BRD2: variants seen among roughly 807,000 people sequenced by gnomAD.
BRD2 encodes the protein bromodomain containing 2.
A neutral mutation model predicts 79.1 loss-of-function variants in BRD2; 15 were observed. The ratio of observed to expected loss-of-function variants is 0.19; its 90% confidence interval spans 0.13 to 0.29. BRD2 has a LOEUF of 0.29. Ranked by LOEUF, BRD2 falls within the 10% of genes least tolerant of loss-of-function variation. The pLI is 1.00. For synonymous variants in BRD2, 488 were observed against 358.6 expected (o/e 1.36, Z -4.08); for missense variants, 1,053 against 991.3 (o/e 1.06, Z -0.84).
chr6:32,969,307 C>A (rs945327205), intron 1 of BRD2: 2 of 715,766 alleles, frequency 2.8e-6, no homozygotes, highest in Admixed American at 2.0e-5. Flanking sequence ...CGGTGTGGCC[C>A]CCCCTATTCC....
At chr6:32,973,105 C>T (rs1163574924) in intron 2 of BRD2, 178 bp downstream of exon 2, 3 of 1,560,106 alleles carry the variant, frequency 1.9e-6, no homozygotes, top group East Asian at 2.4e-5. Flanking sequence ...GGCGGCTCGG[C>T]TACTGCTCGT....
chr6:32,980,826 C>G lies in BRD2; in HGVS notation c.*108C>G, dbSNP rs1029345963. 1.3e-5 allele frequency: 18 copies of G among 1,345,330 alleles called. No individual in the cohort carries two copies. The highest frequency in any genetic ancestry group is 4.6e-5 in the African/African-American group (3 of 65,622). 83.3% of individuals were successfully genotyped at this position (1,345,330 alleles called of 1,614,324 possible). A position where few individuals can be genotyped will look rare whatever the true frequency, so the allele number is the denominator to read the frequency against. On this transcript the variant is annotated 3_prime_UTR_variant, in exon 13 of 13. Coordinates refer to ENST00000374825, the MANE Select transcript of BRD2 (RefSeq NM_005104.4). ...CTGTGACACTTCTTCATCTCACCCC[C>G]CCCCGCCCCCCTCTAGGAGAGCTGG...
chr6:32,978,411 G>GACT, intron 10 of BRD2, 23 bp downstream of exon 10: 4 of 1,603,408 alleles, frequency 2.5e-6, no homozygotes, highest in Non-Finnish European at 3.4e-6. Flanking sequence ...AGGAAGCAGA[G>GACT]ACTAGTTTGG....
In BRD2 at chr6:32,971,634, C is replaced by T; in HGVS notation, c.-1265C>T. ...CTGCCTTACCGCCGAGAACCACCACCCGCCAGGCGTCTTGCGGCCACACCC... is the reference window on the plus strand; with the variant it reads ...CTGCCTTACCGCCGAGAACCACCACTCGCCAGGCGTCTTGCGGCCACACCC... On this transcript the variant is annotated 5_prime_UTR_variant, in exon 2 of 13. Coordinates refer to ENST00000374825, the MANE Select transcript of BRD2 (RefSeq NM_005104.4). 6.9e-6 allele frequency: 3 copies of T among 436,004 alleles called. No individual in the cohort carries two copies. The highest frequency in any genetic ancestry group is 7.1e-5 in the East Asian group (2 of 28,264). The allele number at this position is 436,004 out of a possible 1,614,324, so 27.0% of individuals were successfully genotyped here.
intron 1 of BRD2, chr6:32,970,280 C>T (rs890168623): frequency 6.6e-6 from 1 of 152,244 alleles, no homozygotes; most frequent in African/African-American, 2.4e-5. Context: ...CAAACGGGGC[C>T]GCTTGTACTT....
At chr6:32,975,558 G>A in intron 4 of BRD2, 37 bp downstream of exon 4, 1 of 1,604,856 alleles carries the variant, frequency 6.2e-7, no homozygotes, top group East Asian at 2.2e-5. Flanking sequence ...TAGGTGGGGA[G>A]AAACAGTAAC....
In BRD2 at chr6:32,980,965, C is replaced by G. The variant is rs766274925; in HGVS notation, c.*247C>G. ...ATCTCTTGGACACAGAGCCCCCATT[C>G]AAAATGGGGCAGGGCAAGGGTGGGA... On this transcript the variant is annotated 3_prime_UTR_variant, in exon 13 of 13. Transcript: ENST00000374825. The G allele has an allele frequency of 3.7e-6, 2 of 538,972 alleles. No homozygotes were observed. Among genetic ancestry groups the G allele is most frequent in the Admixed American group, 3.1e-5 (1 of 31,798 alleles). The allele number at this position is 538,972 out of a possible 1,614,324, so 33.4% of individuals were successfully genotyped here. A position where few individuals can be genotyped will look rare whatever the true frequency, so the allele number is the denominator to read the frequency against.
At chr6:32,975,271 T>C in intron 3 of BRD2, 113 bp from the exon 4 acceptor site, 1 of 1,098,836 alleles carries the variant, frequency 9.1e-7, no homozygotes. Context: ...ACTGTTCCTT[T>C]GATGCATAGG....
intron 9 of BRD2, 52 bp downstream of exon 9, chr6:32,978,057 G>A (rs762421743): frequency 6.9e-6 from 11 of 1,590,750 alleles, no homozygotes; most frequent in Non-Finnish European, 9.4e-6. Context: ...CATGCCCTTT[G>A]TCCTCATTTT....
Position 32,972,811 on chromosome 6 carries a change from G to A in BRD2, c.-88G>A, listed in dbSNP as rs1778194918. 1.3e-6 allele frequency: 2 copies of A among 1,599,886 alleles called. No homozygotes were observed. Among genetic ancestry groups the A allele is most frequent in the South Asian group, 1.1e-5 (1 of 90,846 alleles). On this transcript the variant is annotated 5_prime_UTR_variant, in exon 2 of 13. Transcript: ENST00000374825. Reference sequence around the variant, plus strand: ...AGAGGAACGGCCTCCCCCCAACTTAGCGGGTTATGCTGGACCGGGCGGTGA... The same window carrying A: ...AGAGGAACGGCCTCCCCCCAACTTAACGGGTTATGCTGGACCGGGCGGTGA...
chr6:32,976,127 A>ACCAT lies in BRD2; in HGVS notation c.571_574dup (p.Pro192HisfsTer3). 1 of 1,612,952 alleles carries ACCAT rather than the reference A, an allele frequency of 6.2e-7. No homozygotes were observed. Among genetic ancestry groups the ACCAT allele is most frequent in the Non-Finnish European group, 8.5e-7 (1 of 1,179,996 alleles). ...ACAAGAAGAACAAGAGCTGGTAGTG[A>ACCAT]CCATCCCTAAGAACAGCCACAAGAA... is the stretch of plus-strand genomic sequence containing the variant. On this transcript the variant is annotated frameshift_variant, in exon 5 of 13. Coordinates refer to ENST00000374825, the MANE Select transcript of BRD2 (RefSeq NM_005104.4). LOFTEE classifies it high-confidence loss of function.
chr6:32,975,368 A>T lies in BRD2; in HGVS notation c.334-16A>T, dbSNP rs376905369. 1.3e-6 allele frequency: 2 copies of T among 1,594,494 alleles called. No individual in the cohort carries two copies. Among genetic ancestry groups the T allele is most frequent in the African/African-American group, 2.7e-5 (2 of 73,992 alleles). On this transcript the variant is annotated splice_polypyrimidine_tract_variant and intron_variant, in intron 3 of 12. Transcript: ENST00000374825. ...TTTATTTTTCTGTGGTTCTGACCTA[A>T]CATTTTTTTATTTAGGATTATCACA...
Position 32,979,884 on chromosome 6 carries a change from CAGA to C in BRD2, c.1899_1901del (p.Glu638del). 6.2e-7 allele frequency: 1 copy of C among 1,613,072 alleles called. No individual in the cohort carries two copies. Among genetic ancestry groups the C allele is most frequent in the East Asian group, 2.2e-5 (1 of 44,884 alleles). ...CCTGCCCTGCCTACAGGTTATGATTCAGAGGAGGAGGAAGAGAGCAGGCCCATG... is the reference window on the plus strand; with the variant it reads ...CCTGCCCTGCCTACAGGTTATGATTCGGAGGAGGAAGAGAGCAGGCCCATG... On this transcript the variant is annotated inframe_deletion, in exon 11 of 13. Coordinates refer to ENST00000374825, the MANE Select transcript of BRD2 (RefSeq NM_005104.4).
In BRD2 at chr6:32,972,621, T is replaced by C; in HGVS notation, c.-278T>C. ...GTGTCTGAGATCGGGGACCGTCTTTTGAAGAGTCAGTCCCTCCTTAGTTGC... is the reference window on the plus strand; with the variant it reads ...GTGTCTGAGATCGGGGACCGTCTTTCGAAGAGTCAGTCCCTCCTTAGTTGC... On this transcript the variant is annotated 5_prime_UTR_variant, in exon 2 of 13. Coordinates refer to ENST00000374825, the MANE Select transcript of BRD2 (RefSeq NM_005104.4). 2 of 579,126 alleles carry C rather than the reference T, an allele frequency of 3.5e-6. No individual in the cohort carries two copies. The highest frequency in any genetic ancestry group is 3.1e-6 in the Non-Finnish European group (1 of 325,106). The allele number at this position is 579,126 out of a possible 1,614,324, so 35.9% of individuals were successfully genotyped here. A position where few individuals can be genotyped will look rare whatever the true frequency, so the allele number is the denominator to read the frequency against.
intron 7 of BRD2, 92 bp downstream of exon 7, chr6:32,977,028 C>T (rs770257296): frequency 6.8e-7 from 1 of 1,463,370 alleles, no homozygotes; most frequent in Non-Finnish European, 9.1e-7. Flanking sequence ...ACACAGCAGT[C>T]TTTGGTTCTT....
At chr6:32,976,959 G>T (rs1414249960) in intron 7 of BRD2, 23 bp downstream of exon 7, 1 of 1,587,324 alleles carries the variant, frequency 6.3e-7, no homozygotes, top group East Asian at 2.2e-5. Context: ...TGGGGCAGAT[G>T]GGATGCTCAG....
chr6:32,974,337 A>G (rs892558768), intron 2 of BRD2, 125 bp from the exon 3 acceptor site: 26 of 948,996 alleles, frequency 2.7e-5, no homozygotes, highest in African/African-American at 1.3e-4. Flanking sequence ...TTTCTGCTTA[A>G]GAAGCACTTG....
At chr6:32,975,270 T>C in intron 3 of BRD2, 114 bp from the exon 4 acceptor site, 2 of 1,099,762 alleles carry the variant, frequency 1.8e-6, no homozygotes, top group Non-Finnish European at 1.3e-6. Context: ...AACTGTTCCT[T>C]TGATGCATAG....
At chr6:32,975,672 T>C in intron 4 of BRD2, 151 bp downstream of exon 4, 3 of 930,096 alleles carry the variant, frequency 3.2e-6, no homozygotes, top group Non-Finnish European at 4.8e-6. Flanking sequence ...TGACTCTAGA[T>C]GGTACTATTG....
Sources: gnomAD v4.1 joint callset for allele counts on GRCh38, gnomAD v4.1.1 for gene constraint, MANE v1.5 for transcripts, NCBI Gene and HGNC (gene_info 2026-07-23, HGNC 2026-07-21) for gene names.